The following GLRA3 variants were observed in gnomAD, a reference collection of about 807,000 sequenced individuals.
GLRA3 encodes glycine receptor alpha 3, also known as glycine receptor subunit alpha-3.
A neutral mutation model predicts 60.4 loss-of-function variants in GLRA3; 44 were observed. The ratio of observed to expected loss-of-function variants is 0.73; its 90% CI spans 0.57 to 0.94. GLRA3 has a LOEUF of 0.94. Among genes scored for constraint, GLRA3 ranks in the 40% least tolerant of loss-of-function variants. GLRA3 has a pLI of 0.00. For synonymous variants in GLRA3, 223 were observed against 192.9 expected (o/e 1.16, Z -1.29); for missense variants, 508 against 564.6 (o/e 0.90, Z 1.02).
intron 1 of GLRA3, among the ~76,000 whole-genome samples, chr4:174,798,222 A>G (rs1739646550): frequency 6.6e-6 from 1 of 152,162 alleles, no homozygotes; most frequent in Non-Finnish European, 1.5e-5. Context: ...CAGGCTCCTG[A>G]AGCAGGGAAG....
At chr4:174,742,872 A>G (rs79593985) in intron 3 of GLRA3, among the ~76,000 whole-genome samples, 4,016 of 152,276 alleles carry the variant, frequency 0.026, 80 homozygotes, top group Non-Finnish European at 0.039. Flanking sequence ...GGATGATACC[A>G]TAGAAGAGAG....
At chr4:174,803,589 T>G (rs2111347904) in intron 1 of GLRA3, among the ~76,000 whole-genome samples, 1 of 152,312 alleles carries the variant, frequency 6.6e-6, no homozygotes, top group Non-Finnish European at 1.5e-5. Context: ...TTTTCACAGA[T>G]AAGTTTAGTA....
intron 3 of GLRA3, among the ~76,000 whole-genome samples, chr4:174,766,703 T>A (rs1263119826): frequency 6.6e-6 from 1 of 152,090 alleles, no homozygotes; most frequent in African/African-American, 2.4e-5. Flanking sequence ...TGGTGACATT[T>A]TAGCTTTTAA....
rs181192716 is a variant in GLRA3, at chr4:174,784,491, A to C, written c.199+4325T>G. 2.1e-3 allele frequency among the ~76,000 whole-genome samples: 307 copies of C among 149,572 alleles called. 10 individuals are homozygous for C. Among genetic ancestry groups the C allele is most frequent in the Middle Eastern group, 3.4e-3 (1 of 290 alleles). On this transcript the variant is annotated intron_variant, in intron 2 of 9. Coordinates refer to ENST00000274093, the MANE Select transcript of GLRA3 (RefSeq NM_006529.4). ...ATTAAAAAAAAAATACAAAAAAAAA[A>C]CCAAAAACACAAAGAACCCCTAATA...
At chr4:174,815,608 C>T (rs552523949) in intron 1 of GLRA3, among the ~76,000 whole-genome samples, 3 of 152,280 alleles carry the variant, frequency 2.0e-5, no homozygotes, top group African/African-American at 7.2e-5. Flanking sequence ...CACCCACATG[C>T]TCAACACCAC....
chr4:174,741,068 G>A (rs567917220), intron 3 of GLRA3, among the ~76,000 whole-genome samples: 15 of 152,222 alleles, frequency 9.9e-5, no homozygotes, highest in Admixed American at 2.6e-4. Flanking sequence ...GTAAGCATAC[G>A]TGTTTGTTTC....
chr4:174,683,054 T>G, intron 5 of GLRA3, 115 bp from the exon 6 acceptor site: 1 of 759,500 alleles, frequency 1.3e-6, no homozygotes, highest in Non-Finnish European at 2.2e-6. Flanking sequence ...CATCTTATAG[T>G]AACTCTGTGG....
chr4:174,707,148 G>A (rs1212608250), intron 5 of GLRA3, among the ~76,000 whole-genome samples: 1 of 152,064 alleles, frequency 6.6e-6, no homozygotes, highest in Admixed American at 6.5e-5. Flanking sequence ...AAAAGCAATT[G>A]TTGATTTTTT....
Position 174,649,450 on chromosome 4 carries a change from C to T in GLRA3, c.1117-5386G>A, listed in dbSNP as rs72998747. On this transcript the variant is annotated intron_variant, in intron 9 of 9. Coordinates refer to ENST00000274093, the MANE Select transcript of GLRA3 (RefSeq NM_006529.4). ...AGGATCTTGGCATCTCTGGCTTGAG[C>T]CTAGTCCTGGGCAAGTCATTCCTTA... Among the ~76,000 whole-genome samples, 212 of 152,252 alleles carry T rather than the reference C, an allele frequency of 1.4e-3. 3 individuals are homozygous for T. The highest frequency in any genetic ancestry group is 4.9e-3 in the African/African-American group (204 of 41,562).
At chr4:174,666,650 CT>C (rs1445273867) in intron 7 of GLRA3, among the ~76,000 whole-genome samples, 1 of 150,808 alleles carries the variant, frequency 6.6e-6, no homozygotes, top group Non-Finnish European at 1.5e-5. Context: ...ATTTCTTACA[CT>C]TTTTTCCCCA....
chr4:174,799,890 A>G (rs1739740823), intron 1 of GLRA3, among the ~76,000 whole-genome samples: 1 of 152,172 alleles, frequency 6.6e-6, no homozygotes. Context: ...TAAGATCTTC[A>G]ACTCAAGACA....
Position 174,767,099 on chromosome 4 carries a change from C to A in GLRA3, c.200-69G>T, listed in dbSNP as rs556940231. On this transcript the variant is annotated intron_variant, in intron 2 of 9. Coordinates refer to ENST00000274093, the MANE Select transcript of GLRA3 (RefSeq NM_006529.4). The stretch of plus-strand genomic sequence containing the variant: ...TAAAACATTTTCAAATAATTCCTTG[C>A]ATTCCATTATTATTATTCCATTTTA... 5 of 783,146 alleles carry A rather than the reference C, an allele frequency of 6.4e-6. No homozygotes were observed. In the Admixed American group the frequency reaches 7.4e-5, roughly 12 times the overall value. 48.5% of individuals were successfully genotyped at this position (783,146 alleles called of 1,614,324 possible).
chr4:174,660,433 C>T (rs1733391083), intron 7 of GLRA3, among the ~76,000 whole-genome samples: 2 of 152,092 alleles, frequency 1.3e-5, no homozygotes, highest in Non-Finnish European at 2.9e-5. Context: ...TCCTCATTTA[C>T]ATTCAGATGA....
intron 9 of GLRA3, among the ~76,000 whole-genome samples, chr4:174,652,202 T>C (rs531356645): frequency 6.6e-6 from 1 of 152,264 alleles, no homozygotes; most frequent in South Asian, 2.1e-4. Flanking sequence ...TGCAGTGATA[T>C]TCCTTATTAT....
intron 6 of GLRA3, among the ~76,000 whole-genome samples, chr4:174,680,252 A>T (rs1417638373): frequency 6.6e-6 from 1 of 152,210 alleles, no homozygotes. Context: ...TACTCAGTAT[A>T]TGTGGATCTG....
chr4:174,653,713 T>A (rs1484455916), intron 9 of GLRA3, among the ~76,000 whole-genome samples: 2 of 152,048 alleles, frequency 1.3e-5, no homozygotes, highest in African/African-American at 4.8e-5. Flanking sequence ...TACTGCCAAC[T>A]TATAATTACG....
chr4:174,799,836 T>C (rs1218440360), intron 1 of GLRA3, among the ~76,000 whole-genome samples: 1 of 152,060 alleles, frequency 6.6e-6, no homozygotes, highest in Non-Finnish European at 1.5e-5. Context: ...ACACCTGGGA[T>C]GTAATATAAA....
intron 3 of GLRA3, among the ~76,000 whole-genome samples, chr4:174,740,987 C>T (rs554785783): frequency 1.2e-4 from 18 of 152,174 alleles, no homozygotes; most frequent in Admixed American, 1.0e-3. Flanking sequence ...CATTGATGGA[C>T]TTCTGGTGTT....
At chr4:174,756,514 T>A (rs1385772064) in intron 3 of GLRA3, among the ~76,000 whole-genome samples, 1 of 152,152 alleles carries the variant, frequency 6.6e-6, no homozygotes. Flanking sequence ...ATCATTTAAA[T>A]GAATGTTCAG....
Sources: allele counts gnomAD v4.1 joint callset (sites outside exome capture counted in the v4.1 genomes callset), GRCh38; gene constraint gnomAD v4.1.1; transcripts MANE v1.5; gene names NCBI Gene and HGNC (gene_info 2026-07-23, HGNC 2026-07-21).